The following SYNPR variants were observed in gnomAD, a reference collection of about 807,000 sequenced individuals.
SYNPR encodes the protein synaptoporin.
Under a neutral mutation model 32.9 loss-of-function variants are expected in SYNPR, and 23 were observed. That is an observed-to-expected ratio of 0.70 (90% CI 0.50 to 0.99). The LOEUF (loss-of-function observed/expected upper bound fraction) is 0.99, where lower values mean the gene tolerates loss of function less well. SYNPR is among the 50% of genes least tolerant of loss of function. The probability of loss-of-function intolerance (pLI) is 0.00; values close to 1 mark genes in which losing one functional copy is unlikely to be tolerated. For synonymous variants in SYNPR, 146 were observed against 135.9 expected (o/e 1.07, Z -0.52); for missense variants, 318 against 349.3 (o/e 0.91, Z 0.71).
At chr3:63,260,657 A>G (rs953674697) in intron 2 of SYNPR, among the ~76,000 whole-genome samples, 3 of 152,216 alleles carry the variant, frequency 2.0e-5, no homozygotes, top group Non-Finnish European at 4.4e-5. Flanking sequence ...GGACATAGGC[A>G]TGGGCAAAGA....
chr3:63,224,443 T>G (rs956468609), upstream of SYNPR, among the ~76,000 whole-genome samples: 3 of 152,190 alleles, frequency 2.0e-5, no homozygotes, highest in African/African-American at 7.2e-5. Flanking sequence ...ATAGAAGACA[T>G]GACTAATTTT....
intron 3 of SYNPR, among the ~76,000 whole-genome samples, chr3:63,268,376 G>A (rs912079555): frequency 8.5e-5 from 13 of 152,174 alleles, no homozygotes; most frequent in Admixed American, 7.9e-4. Flanking sequence ...TAACATGTGG[G>A]TTAGGAGTAT....
chr3:63,455,756 GGTGTGTGTGT>G (rs370244005), intron 2 of SYNPR, among the ~76,000 whole-genome samples: 1 of 144,282 alleles, frequency 6.9e-6, no homozygotes, highest in Non-Finnish European at 1.5e-5. Context: ...TCATGTTTGG[GGTGTGTGTGT>G]GTGTGTGTGT....
At chr3:63,457,931 C>A (rs1053865318) in intron 2 of SYNPR, among the ~76,000 whole-genome samples, 6 of 151,934 alleles carry the variant, frequency 3.9e-5, no homozygotes, top group African/African-American at 1.4e-4. Flanking sequence ...ACTCTTTTTG[C>A]CTTTGTTTAC....
intron 2 of SYNPR, among the ~76,000 whole-genome samples, chr3:63,350,426 T>A (rs562311559): frequency 3.9e-5 from 6 of 152,234 alleles, no homozygotes; most frequent in African/African-American, 1.4e-4. Flanking sequence ...TTCTTCATAT[T>A]TTTTTTGCAA....
intron 2 of SYNPR, among the ~76,000 whole-genome samples, chr3:63,431,721 T>C (rs1276120240): frequency 6.6e-6 from 1 of 150,938 alleles, no homozygotes; most frequent in African/African-American, 2.5e-5. Context: ...ATCAAGCCCA[T>C]TAAAAACAAA....
At chr3:63,608,369 T>C (rs1700152995) in intron 4 of SYNPR, among the ~76,000 whole-genome samples, 1 of 152,190 alleles carries the variant, frequency 6.6e-6, no homozygotes, top group African/African-American at 2.4e-5. Flanking sequence ...TTCTATGTGT[T>C]ACCTTTTATC....
intron 2 of SYNPR, among the ~76,000 whole-genome samples, chr3:63,314,675 G>A (rs2087022350): frequency 6.6e-6 from 1 of 152,038 alleles, no homozygotes; most frequent in Admixed American, 6.6e-5. Flanking sequence ...TCTGTGGGTT[G>A]TCTGTTTACT....
intron 4 of SYNPR, among the ~76,000 whole-genome samples, chr3:63,601,188 G>A (rs1300500710): frequency 5.9e-5 from 9 of 151,764 alleles, no homozygotes; most frequent in African/African-American, 1.2e-4. Flanking sequence ...GAGGAGAATC[G>A]CTTGAACCTG....
At chr3:63,360,350 C>T (rs1375352889) in intron 2 of SYNPR, among the ~76,000 whole-genome samples, 1 of 152,188 alleles carries the variant, frequency 6.6e-6, no homozygotes, top group Non-Finnish European at 1.5e-5. Flanking sequence ...AAGAGCCCTC[C>T]TATCTTAACT....
At chr3:63,495,855 C>T (rs73112692) in intron 3 of SYNPR, among the ~76,000 whole-genome samples, 4,919 of 152,078 alleles carry the variant, frequency 0.032, 111 homozygotes, top group Middle Eastern at 0.054. Flanking sequence ...TGAAACTACT[C>T]TGTATAATAC....
intron 3 of SYNPR, among the ~76,000 whole-genome samples, chr3:63,546,245 G>A (rs1025760182): frequency 6.6e-6 from 1 of 152,134 alleles, no homozygotes; most frequent in African/African-American, 2.4e-5. Context: ...GCAAGTCACT[G>A]TAAGGGTTTC....
intron 4 of SYNPR, among the ~76,000 whole-genome samples, chr3:63,580,337 C>A (rs1703068545): frequency 6.6e-6 from 1 of 152,142 alleles, no homozygotes; most frequent in Non-Finnish European, 1.5e-5. Flanking sequence ...AAATGTGACT[C>A]AGAAAAATAC....
intron 1 of SYNPR, among the ~76,000 whole-genome samples, chr3:63,245,758 T>A: frequency 7.2e-6 from 1 of 138,900 alleles, no homozygotes; most frequent in African/African-American, 2.7e-5. Flanking sequence ...TGTGTGTGTG[T>A]GTGTGTGTGG....
intron 2 of SYNPR, among the ~76,000 whole-genome samples, chr3:63,478,513 TGC>T (rs1294307441): frequency 7.9e-5 from 12 of 152,352 alleles, no homozygotes; most frequent in African/African-American, 2.9e-4. Context: ...GTATGTTACA[TGC>T]TGGACACAAT....
intron 2 of SYNPR, among the ~76,000 whole-genome samples, chr3:63,410,775 A>G (rs2088453967): frequency 6.6e-6 from 1 of 152,168 alleles, no homozygotes. Flanking sequence ...TAATCTGAGG[A>G]AAAATGCTTA....
At chr3:63,550,522 C>T (rs1702481752) in intron 3 of SYNPR, among the ~76,000 whole-genome samples, 1 of 151,912 alleles carries the variant, frequency 6.6e-6, no homozygotes, top group African/African-American at 2.4e-5. Flanking sequence ...GCACAATTAA[C>T]AATTTCTTTA....
chr3:63,443,282 A>T (rs1700214260), intron 2 of SYNPR: 4 of 1,465,232 alleles, frequency 2.7e-6, no homozygotes, highest in East Asian at 2.5e-5. Context: ...TGATTGGTAT[A>T]ACATCTCACT....
intron 3 of SYNPR, among the ~76,000 whole-genome samples, chr3:63,493,120 G>A (rs770309541): frequency 9.9e-5 from 15 of 152,012 alleles, no homozygotes; most frequent in Non-Finnish European, 2.1e-4. Context: ...GAAGTCCCAC[G>A]GTATACCTTA....
Sources: gnomAD v4.1 joint callset for allele counts (sites outside exome capture counted in the v4.1 genomes callset) on GRCh38, gnomAD v4.1.1 for gene constraint, MANE v1.5 for transcripts, NCBI Gene and HGNC (gene_info 2026-07-23, HGNC 2026-07-21) for gene names.